Variants in WASF3 observed in about 807,000 individuals in gnomAD.
WASF3 encodes WASP family member 3.
A neutral mutation model predicts 46.6 loss-of-function variants in WASF3; 11 were observed. The observed-to-expected ratio is 0.24, with a 90% CI of 0.15 to 0.39. The LOEUF is 0.39. Among genes scored for constraint, WASF3 ranks in the 10% least tolerant of loss-of-function variants. The probability of loss-of-function intolerance (pLI) is 1.00; values close to 1 mark genes in which losing one functional copy is unlikely to be tolerated. For synonymous variants in WASF3, 242 were observed against 259.7 expected, an observed-to-expected ratio of 0.93 and a Z score of 0.65; for missense variants, 576 against 669.8, an observed-to-expected ratio of 0.86 and a Z score of 1.55.
At chr13:26,673,203 C>T (rs1385320841) in intron 6 of WASF3, among the ~76,000 whole-genome samples, 1 of 152,100 alleles carries the variant, frequency 6.6e-6, no homozygotes, top group Non-Finnish European at 1.5e-5. Flanking sequence ...GGTTTCCTTT[C>T]TCAATGATGC....
At position 26,687,850 on chromosome 13, in the gene WASF3, C is replaced by A. The variant is rs1354777350; in HGVS notation, c.*2005C>A. 1 of 151,680 alleles carries A rather than the reference C, an allele frequency of 6.6e-6. No homozygotes were observed. The highest frequency in any genetic ancestry group is 6.6e-5 in the Admixed American group (1 of 15,200). 9.4% of individuals were successfully genotyped at this position (151,680 alleles called of 1,614,324 possible). A position where few individuals can be genotyped will look rare whatever the true frequency, so the allele number is the denominator to read the frequency against. On this transcript the variant is annotated 3_prime_UTR_variant, in exon 10 of 10. Coordinates refer to ENST00000335327, the MANE Select transcript of WASF3 (RefSeq NM_006646.6). Reference sequence around the variant, plus strand: ...TGTATTAGGAGTTCCCCGTGTGGGTCTAGAACTCCCCTTTGGTAATGCTTC... The same window carrying A: ...TGTATTAGGAGTTCCCCGTGTGGGTATAGAACTCCCCTTTGGTAATGCTTC...
chr13:26,681,036 CTT>C lies in WASF3; in HGVS notation c.717-17_717-16del. On this transcript the variant is annotated splice_polypyrimidine_tract_variant and intron_variant, in intron 7 of 9. Coordinates refer to ENST00000335327, the MANE Select transcript of WASF3 (RefSeq NM_006646.6). ...AAATTAATTTAAATTTCTCCCACCT[CTT>C]GTTTTCAAATGCCAGGTCACATGCA... 1 of 1,583,942 alleles carries C rather than the reference CTT, an allele frequency of 6.3e-7. No homozygotes were observed. The highest frequency in any genetic ancestry group is 8.6e-7 in the Non-Finnish European group (1 of 1,158,500).
At chr13:26,653,730 C>T (rs1458239517) in intron 3 of WASF3, among the ~76,000 whole-genome samples, 2 of 152,214 alleles carry the variant, frequency 1.3e-5, no homozygotes, top group African/African-American at 4.8e-5. Flanking sequence ...CATCAGGTTC[C>T]ATGGCTCAAA....
intron 1 of WASF3, among the ~76,000 whole-genome samples, chr13:26,605,995 C>G (rs1192426547): frequency 6.6e-6 from 1 of 152,094 alleles, no homozygotes; most frequent in Non-Finnish European, 1.5e-5. Flanking sequence ...GTGTGAAACC[C>G]TGGGATTGGT....
chr13:26,579,652 T>G (rs1235271934), intron 1 of WASF3, among the ~76,000 whole-genome samples: 1 of 152,190 alleles, frequency 6.6e-6, no homozygotes, highest in African/African-American at 2.4e-5. Flanking sequence ...AACAACATGA[T>G]TCTCTCTGTA....
At chr13:26,611,318 A>G (rs1880971834) in intron 1 of WASF3, among the ~76,000 whole-genome samples, 1 of 152,244 alleles carries the variant, frequency 6.6e-6, no homozygotes, top group Non-Finnish European at 1.5e-5. Context: ...TGTATATGAC[A>G]TGTTAGCTCT....
In WASF3 at chr13:26,679,105, C is replaced by T. The variant is rs750093058; in HGVS notation, c.717-1949C>T. Reference sequence around the variant, plus strand: ...CCTCCCGTGTCAGTGTCGCCTCTGGCCCTCCCAGTCCTCTCTTCTGTAATA... The same window carrying T: ...CCTCCCGTGTCAGTGTCGCCTCTGGTCCTCCCAGTCCTCTCTTCTGTAATA... On this transcript the variant is annotated intron_variant, in intron 7 of 9. Transcript: ENST00000335327. The surrounding 1 kb of genome is among the most constrained non-coding windows in gnomAD (Gnocchi z 4.8). Among the ~76,000 whole-genome samples the T allele has an allele frequency of 6.6e-5, 10 of 151,370 alleles. No homozygotes were observed. Among genetic ancestry groups the T allele is most frequent in the Non-Finnish European group, 8.8e-5 (6 of 68,010 alleles).
chr13:26,610,993 A>G lies in WASF3; in HGVS notation c.-108-1968A>G, dbSNP rs76829538. 3.0e-3 allele frequency among the ~76,000 whole-genome samples: 461 copies of G among 151,810 alleles called. 2 individuals carry two copies. Among genetic ancestry groups the G allele is most frequent in the African/African-American group, 0.01 (433 of 41,450 alleles). ...AGAAAAAGGCATGTGTCCGTGCCCA[A>G]AAGGAGACAATCCAATGTAGATATT... On this transcript the variant is annotated intron_variant, in intron 1 of 9. Transcript: ENST00000335327.
At chr13:26,554,073 T>TCCC (rs1359094338), upstream of WASF3, among the ~76,000 whole-genome samples, 4 of 103,894 alleles carry the variant, frequency 3.9e-5, no homozygotes, top group African/African-American at 1.6e-4. Context: ...CCTTCCTTCC[T>TCCC]TCCTTCCTTC....
chr13:26,629,200 G>A (rs1002368731), intron 2 of WASF3, among the ~76,000 whole-genome samples: 5 of 152,208 alleles, frequency 3.3e-5, no homozygotes, highest in African/African-American at 1.2e-4. Context: ...GATTTTGCCT[G>A]CTTTGTGTTC....
At position 26,665,136 on chromosome 13, in the gene WASF3, C is replaced by T; in HGVS notation, c.242C>T (p.Thr81Ile). 2.5e-6 allele frequency: 4 copies of T among 1,614,006 alleles called. No homozygotes were observed. The highest frequency in any genetic ancestry group is 3.4e-6 in the Non-Finnish European group (4 of 1,179,990). ...DRIDRLAVKVTQLDSTVEEVS... is the reference protein window; with the variant it reads ...DRIDRLAVKVIQLDSTVEEVS... ...ATTGATCGCCTTGCTGTCAAAGTCA[C>T]CCAGCTGGATTCAACAGTGGAAGAG... The change falls in exon 4 of 10, where the codon ACC (threonine) becomes ATC (isoleucine). Residue 81 changes from threonine (T) to isoleucine (I), a missense_variant. Physicochemically the swap from Thr to Ile is moderately conservative, Grantham distance 89. This residue lies in a region of WASF3 where 213 missense variants were observed against 278.0 expected (regional missense o/e 0.77). Transcript: ENST00000335327.
rs577678238 is a variant in WASF3 at position 26,629,030 on chromosome 13, C to T, written c.-10-13231C>T. Among the ~76,000 whole-genome samples, 36 of 152,298 alleles carry T rather than the reference C, an allele frequency of 2.4e-4. No homozygotes were observed. In the South Asian group the frequency reaches 6.2e-3, roughly 26 times the overall value. On this transcript the variant is annotated intron_variant, in intron 2 of 9. Transcript: ENST00000335327. The stretch of plus-strand genomic sequence containing the variant: ...CCCAGCGTTCATTGGGATGGACCCG[C>T]GTTGGGTGGTTTGATATGTGATGTG...
intron 1 of WASF3, among the ~76,000 whole-genome samples, chr13:26,608,284 T>C (rs538533724): frequency 2.6e-5 from 4 of 152,326 alleles, no homozygotes; most frequent in African/African-American, 9.6e-5. Flanking sequence ...ATCTTACGAT[T>C]CTTGTATTTA....
intron 5 of WASF3, among the ~76,000 whole-genome samples, chr13:26,667,950 G>A (rs141761698): frequency 1.8e-3 from 275 of 152,336 alleles, no homozygotes; most frequent in African/African-American, 5.4e-3. Flanking sequence ...TTAAGTAGAA[G>A]TGAGTAAGTT....
At position 26,684,410 on chromosome 13, in the gene WASF3, G is replaced by T. The variant is rs535177352; in HGVS notation, c.1352-1278G>T. 2.6e-5 allele frequency among the ~76,000 whole-genome samples: 4 copies of T among 151,922 alleles called. No homozygotes were observed. In the East Asian group the frequency reaches 5.8e-4, roughly 22 times the overall value. ...ATAGCTTCCTATATTCTTCAAAAAC[G>T]AGAAGGTTGTAAAACACAAAGACTG... On this transcript the variant is annotated intron_variant, in intron 9 of 9. Coordinates refer to ENST00000335327, the MANE Select transcript of WASF3 (RefSeq NM_006646.6).
intron 4 of WASF3, 33 bp from the exon 5 acceptor site, chr13:26,667,484 T>C (rs1278885280): frequency 6.3e-7 from 1 of 1,587,902 alleles, no homozygotes; most frequent in Non-Finnish European, 8.6e-7. Flanking sequence ...AATATTTCTA[T>C]ATAACTCAAC....
chr13:26,563,418 A>G (rs1879362326), intron 1 of WASF3, among the ~76,000 whole-genome samples: 2 of 151,876 alleles, frequency 1.3e-5, no homozygotes, highest in South Asian at 2.1e-4. Context: ...TAATCCCAGC[A>G]CTTTGGGAGG....
chr13:26,577,187 C>A lies in WASF3; in HGVS notation c.-109+19368C>A. The A allele has an allele frequency of 4.0e-6, 3 of 750,310 alleles. No individual in the cohort carries two copies. The South Asian group carries it at 4.1e-5, about 10-fold the overall frequency. 46.5% of individuals were successfully genotyped at this position (750,310 alleles called of 1,614,324 possible). A position where few individuals can be genotyped will look rare whatever the true frequency, so the allele number is the denominator to read the frequency against. Reference sequence around the variant, plus strand: ...GGCAAAAACTTCCTAACTTCCTTGGCATGGATCTTACCTGTGACAAAATGT... The same window carrying A: ...GGCAAAAACTTCCTAACTTCCTTGGAATGGATCTTACCTGTGACAAAATGT... On this transcript the variant is annotated intron_variant, in intron 1 of 9. Coordinates refer to ENST00000335327, the MANE Select transcript of WASF3 (RefSeq NM_006646.6).
intron 2 of WASF3, among the ~76,000 whole-genome samples, chr13:26,629,126 G>A (rs752441437): frequency 6.6e-6 from 1 of 152,352 alleles, no homozygotes; most frequent in African/African-American, 2.4e-5. Context: ...CGTCAGATGC[G>A]ATGATGTGTG....
Sources: gnomAD v4.1 joint callset for allele counts (sites outside exome capture counted in the v4.1 genomes callset) on GRCh38, gnomAD v4.1.1 for gene constraint, gnomAD v4.1.1 regional missense constraint, Gnocchi (gnomAD v3.1) non-coding constraint, MANE v1.5 for transcripts, NCBI Gene and HGNC (gene_info 2026-07-23, HGNC 2026-07-21) for gene names.